The following GABRB2 variants were observed in gnomAD, a reference collection of about 807,000 sequenced individuals.
GABRB2 encodes the protein gamma-aminobutyric acid receptor subunit beta-2.
GABRB2 carries 16 observed loss-of-function variants against 54.7 expected under a neutral mutation model. The observed-to-expected ratio is 0.29, with a 90% CI of 0.20 to 0.44. The LOEUF (loss-of-function observed/expected upper bound fraction) is 0.44. GABRB2 is among the 20% of genes least tolerant of loss of function. The probability of loss-of-function intolerance (pLI) is 1.00; values close to 1 mark genes in which losing one functional copy is unlikely to be tolerated. For synonymous variants in GABRB2, 244 were observed against 233.8 expected, an observed-to-expected ratio of 1.04 and a Z score of -0.40; for missense variants, 355 against 644.0, an observed-to-expected ratio of 0.55 and a Z score of 4.86.
chr5:161,492,090 T>A (rs192646685), intron 3 of GABRB2, among the ~76,000 whole-genome samples: 1 of 151,798 alleles, frequency 6.6e-6, no homozygotes. Flanking sequence ...AGTCCATATT[T>A]CAATCTTGCT....
intron 5 of GABRB2, among the ~76,000 whole-genome samples, chr5:161,382,264 A>T (rs1333629988): frequency 6.6e-6 from 1 of 152,188 alleles, no homozygotes; most frequent in Admixed American, 6.5e-5. Flanking sequence ...AGCCAACTGG[A>T]AAGTCTGGAG....
chr5:161,502,646 G>A (rs561964260), intron 3 of GABRB2, among the ~76,000 whole-genome samples: 178 of 152,260 alleles, frequency 1.2e-3, no homozygotes, highest in Middle Eastern at 3.4e-3. Flanking sequence ...ATGGGAAATT[G>A]AGGTTCGTAA....
chr5:161,510,569 A>C (rs929909086), intron 3 of GABRB2, among the ~76,000 whole-genome samples: 2 of 151,900 alleles, frequency 1.3e-5, no homozygotes, highest in African/African-American at 4.8e-5. Context: ...ATTACATAGC[A>C]TTTGTGAATT....
At chr5:161,491,249 A>G (rs1024092105) in intron 3 of GABRB2, among the ~76,000 whole-genome samples, 1 of 151,688 alleles carries the variant, frequency 6.6e-6, no homozygotes, top group African/African-American at 2.4e-5. Flanking sequence ...GTTGCTATAT[A>G]TATAATAAAG....
intron 9 of GABRB2, among the ~76,000 whole-genome samples, chr5:161,319,869 T>A (rs184266665): frequency 1.8e-4 from 28 of 151,914 alleles, no homozygotes; most frequent in Admixed American, 1.8e-3. Flanking sequence ...ATTGGTCGTT[T>A]TTCTTTTCTA....
intron 3 of GABRB2, among the ~76,000 whole-genome samples, chr5:161,481,387 C>T (rs564316764): frequency 2.0e-5 from 3 of 152,128 alleles, no homozygotes; most frequent in South Asian, 2.1e-4. Context: ...ATTACTCATA[C>T]GTACTACTGA....
chr5:161,534,775 GA>G (rs1169544956), intron 3 of GABRB2, among the ~76,000 whole-genome samples: 5 of 151,872 alleles, frequency 3.3e-5, no homozygotes, highest in African/African-American at 1.2e-4. Flanking sequence ...ATAGAGCGAG[GA>G]AAAACTGGAA....
At chr5:161,537,687 C>T (rs1317598664) in intron 3 of GABRB2, among the ~76,000 whole-genome samples, 4 of 152,200 alleles carry the variant, frequency 2.6e-5, no homozygotes, top group Admixed American at 2.6e-4. Flanking sequence ...ACCCTCTACA[C>T]TTCAGAACCA....
chr5:161,330,967 A>G lies in GABRB2; in HGVS notation c.993T>C (p.Phe331=), dbSNP rs1388765817. The change falls in exon 8 of 10, where the codon TTT becomes TTC. Residue 331 remains phenylalanine (F), a synonymous_variant. Transcript: ENST00000393959. ...TCTTTTGGCGTTGGGGCCCCCTCCCAAAGAAGATGTAGTTGACTAGGGCAT... is the reference window on the plus strand; with the variant it reads ...TCTTTTGGCGTTGGGGCCCCCTCCCGAAGAAGATGTAGTTGACTAGGGCAT... ...LEYALVNYIF[F]GRGPQRQKKA... 2.5e-6 allele frequency: 4 copies of G among 1,614,232 alleles called. No homozygotes were observed. Among genetic ancestry groups the G allele is most frequent in the Non-Finnish European group, 3.4e-6 (4 of 1,180,046 alleles).
intron 3 of GABRB2, among the ~76,000 whole-genome samples, chr5:161,505,942 A>T (rs1759592049): frequency 6.6e-6 from 1 of 152,210 alleles, no homozygotes; most frequent in African/African-American, 2.4e-5. Flanking sequence ...TAGAAATTAA[A>T]GCCAACGTGA....
chr5:161,417,714 C>A (rs1756721001), intron 4 of GABRB2, among the ~76,000 whole-genome samples: 1 of 152,046 alleles, frequency 6.6e-6, no homozygotes, highest in Non-Finnish European at 1.5e-5. Context: ...TGTAGATTAG[C>A]CCACCCCAGA....
intron 4 of GABRB2, among the ~76,000 whole-genome samples, chr5:161,450,448 T>C (rs1005582700): frequency 3.3e-5 from 5 of 152,190 alleles, no homozygotes; most frequent in African/African-American, 1.2e-4. Flanking sequence ...GGTTGCTAAA[T>C]ACAAGTCTCT....
chr5:161,534,725 G>A (rs1262185140), intron 3 of GABRB2, among the ~76,000 whole-genome samples: 2 of 152,060 alleles, frequency 1.3e-5, no homozygotes, highest in Non-Finnish European at 2.9e-5. Flanking sequence ...GTATTCTAGA[G>A]ATGTAAACTT....
chr5:161,445,012 A>G (rs1375301272), intron 4 of GABRB2, among the ~76,000 whole-genome samples: 1 of 152,104 alleles, frequency 6.6e-6, no homozygotes, highest in Admixed American at 6.6e-5. Flanking sequence ...CAGACTGATA[A>G]ACTAGAAAAG....
intron 4 of GABRB2, among the ~76,000 whole-genome samples, chr5:161,436,391 G>T (rs760541835): frequency 2.0e-5 from 3 of 151,984 alleles, no homozygotes; most frequent in African/African-American, 4.8e-5. Flanking sequence ...AAATTATCTG[G>T]GCATGGTGGC....
intron 3 of GABRB2, among the ~76,000 whole-genome samples, chr5:161,492,608 A>G (rs1457064048): frequency 6.6e-6 from 1 of 151,392 alleles, no homozygotes; most frequent in Non-Finnish European, 1.5e-5. Flanking sequence ...CACACTACAC[A>G]GATGTATGTT....
At chr5:161,296,832 G>A (rs920360868) in intron 9 of GABRB2, among the ~76,000 whole-genome samples, 6 of 152,114 alleles carry the variant, frequency 3.9e-5, no homozygotes, top group South Asian at 2.1e-4. Context: ...TGGCTCTTCC[G>A]TTTGTTATTT....
intron 4 of GABRB2, among the ~76,000 whole-genome samples, chr5:161,433,135 A>G (rs1757215568): frequency 2.0e-5 from 3 of 152,194 alleles, no homozygotes; most frequent in Admixed American, 2.0e-4. Flanking sequence ...TGTGTTAAGA[A>G]GCACTCCAGA....
intron 3 of GABRB2, among the ~76,000 whole-genome samples, chr5:161,538,998 C>T (rs1310059830): frequency 6.6e-6 from 1 of 152,194 alleles, no homozygotes; most frequent in Non-Finnish European, 1.5e-5. Flanking sequence ...AAGAAAACAT[C>T]TGTTTAAAAA....
Sources: allele counts gnomAD v4.1 joint callset (sites outside exome capture counted in the v4.1 genomes callset), GRCh38; gene constraint gnomAD v4.1.1; transcripts MANE v1.5; gene names NCBI Gene and HGNC (gene_info 2026-07-23, HGNC 2026-07-21).